Variants in ZDHHC14 observed in about 807,000 individuals in gnomAD.
ZDHHC14 encodes the protein palmitoyltransferase ZDHHC14.
ZDHHC14 carries 16 observed loss-of-function variants against 47.7 expected under a neutral mutation model. The ratio of observed to expected loss-of-function variants is 0.34; its 90% CI spans 0.23 to 0.51. ZDHHC14 has a LOEUF of 0.51. ZDHHC14 is among the 20% of genes least tolerant of loss of function. The pLI is 0.97. For missense variants in ZDHHC14, 515 were observed against 662.5 expected, an observed-to-expected ratio of 0.78 and a Z score of 2.44; for synonymous variants, 293 against 278.9, an observed-to-expected ratio of 1.05 and a Z score of -0.50.
intron 3 of ZDHHC14, among the ~76,000 whole-genome samples, chr6:157,598,537 T>C (rs4709424): frequency 0.7 from 106,053 of 152,084 alleles, 37,860 homozygotes; most frequent in African/African-American, 0.86. Context: ...CAGACAGTAT[T>C]GTATTTATCA....
rs368442095 is a variant in ZDHHC14 at position 157,463,642 on chromosome 6, C to G, written c.246-78943C>G. ...AGATGGCTATTGTGGATAATATACT[C>G]TTAGATATAAAATAATTCTCAAGCT... On this transcript the variant is annotated intron_variant, in intron 1 of 8. Transcript: ENST00000359775. The surrounding 1 kb of genome is among the most constrained non-coding windows in gnomAD (Gnocchi z 4.4). Among the ~76,000 whole-genome samples, 20 of 152,332 alleles carry G rather than the reference C, an allele frequency of 1.3e-4. No homozygotes were observed. In the East Asian group the frequency reaches 3.5e-3, roughly 26 times the overall value.
At chr6:157,506,470 A>G (rs145944676) in intron 1 of ZDHHC14, among the ~76,000 whole-genome samples, 189 of 151,830 alleles carry the variant, frequency 1.2e-3, no homozygotes, top group African/African-American at 4.3e-3. Flanking sequence ...TCTTGCTCAC[A>G]CTGTTATTTG....
At chr6:157,625,609 G>A (rs997410510) in intron 3 of ZDHHC14, among the ~76,000 whole-genome samples, 17 of 152,140 alleles carry the variant, frequency 1.1e-4, no homozygotes, top group Non-Finnish European at 1.9e-4. Flanking sequence ...GGCTCGAGGT[G>A]TAAGAATGTG....
chr6:157,472,245 C>T (rs1341573274), intron 1 of ZDHHC14, among the ~76,000 whole-genome samples: 1 of 152,108 alleles, frequency 6.6e-6, no homozygotes, highest in Non-Finnish European at 1.5e-5. Flanking sequence ...AACGGGTTTC[C>T]CCAGGGTGGG....
intron 1 of ZDHHC14, among the ~76,000 whole-genome samples, chr6:157,535,247 G>A (rs16900254): frequency 0.4 from 60,272 of 152,024 alleles, 12,107 homozygotes; most frequent in Admixed American, 0.46. Flanking sequence ...AACTCTGCAG[G>A]TTCAAGGCAA....
intron 8 of ZDHHC14, among the ~76,000 whole-genome samples, chr6:157,666,497 A>C (rs1181868218): frequency 6.6e-6 from 1 of 152,234 alleles, no homozygotes; most frequent in Non-Finnish European, 1.5e-5. Flanking sequence ...CTGCACCTGC[A>C]TTTTAGGTGG....
At chr6:157,598,388 C>G (rs944011784) in intron 3 of ZDHHC14, among the ~76,000 whole-genome samples, 2 of 152,114 alleles carry the variant, frequency 1.3e-5, no homozygotes, top group African/African-American at 4.8e-5. Flanking sequence ...ACTGATTCTC[C>G]TGGTTTCCGC....
chr6:157,441,832 C>T (rs1013221583), intron 1 of ZDHHC14, among the ~76,000 whole-genome samples: 1 of 151,462 alleles, frequency 6.6e-6, no homozygotes, highest in Non-Finnish European at 1.5e-5. Flanking sequence ...AGTGAGACTC[C>T]GAATCAAAAA....
intron 1 of ZDHHC14, among the ~76,000 whole-genome samples, chr6:157,534,632 A>C (rs768966475): frequency 1.3e-5 from 2 of 151,858 alleles, no homozygotes; most frequent in African/African-American, 4.8e-5. Context: ...TCTGTTGCCC[A>C]GGCTGGAGTG....
At chr6:157,489,640 G>A (rs1317705015) in intron 1 of ZDHHC14, among the ~76,000 whole-genome samples, 12 of 152,166 alleles carry the variant, frequency 7.9e-5, no homozygotes, top group Non-Finnish European at 1.8e-4. Flanking sequence ...TGACCCAGCC[G>A]CTCTCCACCA....
At chr6:157,490,065 G>C (rs1212666208) in intron 1 of ZDHHC14, among the ~76,000 whole-genome samples, 1 of 152,192 alleles carries the variant, frequency 6.6e-6, no homozygotes, top group African/African-American at 2.4e-5. Context: ...GTGGGAGAAA[G>C]GGAGAGATCA....
chr6:157,530,919 T>C (rs1328167701), intron 1 of ZDHHC14, among the ~76,000 whole-genome samples: 1 of 152,196 alleles, frequency 6.6e-6, no homozygotes, highest in Admixed American at 6.5e-5. Flanking sequence ...CTTCAATTCC[T>C]CTTTATTCTT....
At chr6:157,612,695 T>A (rs1467962575) in intron 3 of ZDHHC14, among the ~76,000 whole-genome samples, 1 of 152,150 alleles carries the variant, frequency 6.6e-6, no homozygotes, top group Non-Finnish European at 1.5e-5. Context: ...TCCCTTACTG[T>A]ATTCCCAGCA....
At chr6:157,569,301 T>C (rs150762936) in intron 2 of ZDHHC14, among the ~76,000 whole-genome samples, 2,091 of 152,118 alleles carry the variant, frequency 0.014, 47 homozygotes, top group African/African-American at 0.049. Context: ...TCTTTGAAGG[T>C]GTGGTTTTAA....
At chr6:157,597,287 C>T (rs1343554616) in intron 3 of ZDHHC14, among the ~76,000 whole-genome samples, 1 of 152,184 alleles carries the variant, frequency 6.6e-6, no homozygotes, top group African/African-American at 2.4e-5. Context: ...GTGAGACCCT[C>T]TCGGGCTCAC....
chr6:157,470,573 A>G (rs1486383712), intron 1 of ZDHHC14, among the ~76,000 whole-genome samples: 8 of 152,240 alleles, frequency 5.3e-5, no homozygotes, highest in Non-Finnish European at 1.0e-4. Context: ...ACTGGATTTG[A>G]AAATATGAAA....
intron 1 of ZDHHC14, among the ~76,000 whole-genome samples, chr6:157,440,350 T>A (rs574842829): frequency 2.0e-4 from 31 of 152,202 alleles, no homozygotes; most frequent in African/African-American, 6.7e-4. Flanking sequence ...AAAACCACCC[T>A]GAGATACCTC....
At chr6:157,531,548 G>A (rs1479084605) in intron 1 of ZDHHC14, among the ~76,000 whole-genome samples, 1 of 151,980 alleles carries the variant, frequency 6.6e-6, no homozygotes, top group Non-Finnish European at 1.5e-5. Context: ...CAACACCTGT[G>A]TCTCCACACT....
chr6:157,644,604 C>T (rs1283047027), intron 5 of ZDHHC14, among the ~76,000 whole-genome samples: 6 of 152,208 alleles, frequency 3.9e-5, no homozygotes, highest in East Asian at 1.9e-4. Context: ...CAGCAGACCA[C>T]GGCACCGCAC....
Sources: allele counts gnomAD v4.1 joint callset (sites outside exome capture counted in the v4.1 genomes callset), GRCh38; gene constraint gnomAD v4.1.1; non-coding constraint Gnocchi (gnomAD v3.1); transcripts MANE v1.5; gene names NCBI Gene and HGNC (gene_info 2026-07-23, HGNC 2026-07-21).